Variants in CDH20 observed in about 807,000 individuals in gnomAD.
CDH20 encodes the protein cadherin 20.
In CDH20, 29 loss-of-function variants were observed where a neutral mutation model predicts 74.2. The observed-to-expected ratio is 0.39, with a 90% CI of 0.29 to 0.53. The LOEUF is 0.53. Ranked by LOEUF, CDH20 falls within the 20% of genes least tolerant of loss-of-function variation. CDH20 has a pLI of 0.69. For missense variants in CDH20, 988 were observed against 1,048.3 expected, an observed-to-expected ratio of 0.94 and a Z score of 0.79; for synonymous variants, 469 against 405.4, an observed-to-expected ratio of 1.16 and a Z score of -1.88.
chr18:61,398,015 C>G (rs1165095938), intron 1 of CDH20, among the ~76,000 whole-genome samples: 1 of 152,236 alleles, frequency 6.6e-6, no homozygotes, highest in Non-Finnish European at 1.5e-5. Flanking sequence ...CTGTGATTCA[C>G]TTGCTCTGCT....
chr18:61,477,147 G>A (rs184766372), intron 1 of CDH20, among the ~76,000 whole-genome samples: 1 of 152,262 alleles, frequency 6.6e-6, no homozygotes, highest in Admixed American at 6.5e-5. Flanking sequence ...TATAATTAGA[G>A]GCAGGTTGCT....
chr18:61,512,619 C>A (rs1911825101), intron 6 of CDH20, among the ~76,000 whole-genome samples: 1 of 152,176 alleles, frequency 6.6e-6, no homozygotes. Flanking sequence ...TCTCCCTACA[C>A]AATAAATCTT....
In CDH20 at chr18:61,554,427, C is replaced by A; in HGVS notation, c.2138C>A (p.Pro713His). Residue 713 changes from proline to histidine, a missense_variant, in exon 12 of 12, where the codon CCT becomes CAT. By Grantham distance (77) the Pro-to-His change is moderately conservative (BLOSUM62 -2). Around this residue, in one of 2 missense-constraint regions of CDH20, gnomAD observed 375 missense variants for 293.1 expected, o/e 1.28. Transcript: ENST00000262717. The stretch of plus-strand genomic sequence containing the variant: ...ATCGAGAGCCTCTCCCGCTACGTGC[C>A]TCAGACGTGCGCAGTGAACAGCACT... ...PEIESLSRYV[P>H]QTCAVNSTVH... 1 of 1,613,216 alleles carries A rather than the reference C, an allele frequency of 6.2e-7. No homozygotes were observed. Among genetic ancestry groups the A allele is most frequent in the South Asian group, 1.1e-5 (1 of 91,078 alleles).
intron 1 of CDH20, among the ~76,000 whole-genome samples, chr18:61,431,663 C>T (rs1913258994): frequency 9.7e-6 from 1 of 103,230 alleles, no homozygotes. Context: ...AAATGATAGC[C>T]CTATTATTTT....
intron 1 of CDH20, among the ~76,000 whole-genome samples, chr18:61,422,025 T>C (rs944567633): frequency 7.9e-5 from 12 of 152,128 alleles, no homozygotes; most frequent in African/African-American, 2.9e-4. Context: ...TTACTGTACT[T>C]ACTATCTAAA....
At chr18:61,394,295 C>T (rs1911890028) in intron 1 of CDH20, among the ~76,000 whole-genome samples, 1 of 152,238 alleles carries the variant, frequency 6.6e-6, no homozygotes, top group African/African-American at 2.4e-5. Context: ...TGAGGTTCTA[C>T]CCCGCAAGAC....
intron 9 of CDH20, among the ~76,000 whole-genome samples, 183 bp from the exon 10 acceptor site, chr18:61,544,844 G>A (rs568912655): frequency 8.5e-5 from 13 of 152,270 alleles, no homozygotes; most frequent in South Asian, 2.1e-4. Context: ...GCCAGAGGAT[G>A]GAGCCCTCAC....
intron 1 of CDH20, among the ~76,000 whole-genome samples, chr18:61,411,010 T>C (rs1048829970): frequency 6.6e-6 from 1 of 151,786 alleles, no homozygotes; most frequent in South Asian, 2.1e-4. Flanking sequence ...ACCATCCTGG[T>C]TAACACGGTG....
chr18:61,529,063 C>T (rs538827929), intron 7 of CDH20, among the ~76,000 whole-genome samples: 1 of 152,268 alleles, frequency 6.6e-6, no homozygotes, highest in South Asian at 2.1e-4. Flanking sequence ...ACAGTCATGG[C>T]CATCTCTCAC....
intron 2 of CDH20, among the ~76,000 whole-genome samples, chr18:61,495,031 A>G (rs550924774): frequency 1.3e-5 from 2 of 152,338 alleles, no homozygotes; most frequent in Admixed American, 1.3e-4. Context: ...CTTAAAAACT[A>G]AAGAATGATT....
chr18:61,440,129 G>A (rs1908979826), intron 1 of CDH20, among the ~76,000 whole-genome samples: 1 of 152,092 alleles, frequency 6.6e-6, no homozygotes, highest in South Asian at 2.1e-4. Flanking sequence ...TCACTCCTTT[G>A]CCTATGACTT....
At chr18:61,484,722 T>A (rs1910696164) in intron 1 of CDH20, among the ~76,000 whole-genome samples, 1 of 149,964 alleles carries the variant, frequency 6.7e-6, no homozygotes, top group Non-Finnish European at 1.5e-5. Context: ...TTCTACCAAT[T>A]TTTTTTGCTC....
At chr18:61,394,251 T>C (rs1911888704) in intron 1 of CDH20, among the ~76,000 whole-genome samples, 1 of 152,142 alleles carries the variant, frequency 6.6e-6, no homozygotes, top group South Asian at 2.1e-4. Flanking sequence ...ACCACGGTTA[T>C]ATAGTCTGGA....
intron 1 of CDH20, among the ~76,000 whole-genome samples, chr18:61,395,764 G>T (rs1911943211): frequency 6.6e-6 from 1 of 152,150 alleles, no homozygotes; most frequent in Non-Finnish European, 1.5e-5. Context: ...GCCAGGCGCG[G>T]TGGCTTATGC....
intron 2 of CDH20, among the ~76,000 whole-genome samples, chr18:61,494,566 C>T (rs1307424834): frequency 6.6e-6 from 1 of 152,152 alleles, no homozygotes; most frequent in Non-Finnish European, 1.5e-5. Flanking sequence ...AATTCATCCA[C>T]TTTCATTCTC....
intron 1 of CDH20, among the ~76,000 whole-genome samples, chr18:61,411,103 G>A (rs1052012214): frequency 1.3e-5 from 2 of 151,936 alleles, no homozygotes; most frequent in African/African-American, 4.8e-5. Context: ...GGGGGGCTGA[G>A]GCAGGAGAAT....
chr18:61,399,162 C>T (rs1200659057), intron 1 of CDH20, among the ~76,000 whole-genome samples: 3 of 132,894 alleles, frequency 2.3e-5, no homozygotes, highest in African/African-American at 9.2e-5. Context: ...CCTCTCCGAT[C>T]CTGACTGCAT....
chr18:61,355,439 G>A (rs1418986217), intron 1 of CDH20, among the ~76,000 whole-genome samples: 2 of 152,218 alleles, frequency 1.3e-5, no homozygotes, highest in African/African-American at 4.8e-5. Context: ...ACAATGACCA[G>A]TAGCTACGTT....
intron 1 of CDH20, among the ~76,000 whole-genome samples, chr18:61,390,455 GAT>G (rs1034310559): frequency 1.3e-5 from 2 of 152,134 alleles, no homozygotes; most frequent in African/African-American, 4.8e-5. Context: ...CTTGCGACAG[GAT>G]ATTTTTGTAT....
Sources: allele counts gnomAD v4.1 joint callset (sites outside exome capture counted in the v4.1 genomes callset), GRCh38; gene constraint gnomAD v4.1.1; regional missense constraint gnomAD v4.1.1; transcripts MANE v1.5; gene names NCBI Gene and HGNC (gene_info 2026-07-23, HGNC 2026-07-21).